Variants in RASAL2 observed in about 807,000 individuals in gnomAD.
RASAL2 encodes the protein RAS protein activator like 2, also known as ras GTPase-activating protein nGAP.
A neutral mutation model predicts 128.9 loss-of-function variants in RASAL2; 58 were observed. That is an observed-to-expected ratio of 0.45 (90% CI 0.36 to 0.56). The LOEUF is 0.56. Ranked by LOEUF, RASAL2 falls within the 20% of genes least tolerant of loss-of-function variation. The pLI, the probability that RASAL2 is intolerant of heterozygous loss-of-function variation, is 0.00. For missense variants in RASAL2, 1,360 were observed against 1,601.6 expected (o/e 0.85, Z 2.57); for synonymous variants, 561 against 580.8 (o/e 0.97, Z 0.49).
intron 1 of RASAL2, among the ~76,000 whole-genome samples, chr1:178,274,396 T>G (rs956403102): frequency 9.2e-5 from 14 of 152,116 alleles, no homozygotes; most frequent in African/African-American, 3.4e-4. Flanking sequence ...GAGAATATAT[T>G]AATATAGGGA....
rs1243125902 is a variant in RASAL2, at chr1:178,457,767, C to T, written c.2475C>T (p.Ala825=). 5.6e-6 allele frequency: 9 copies of T among 1,614,070 alleles called. No homozygotes were observed. Among genetic ancestry groups the T allele is most frequent in the Non-Finnish European group, 7.6e-6 (9 of 1,180,028 alleles). Residue 825 remains alanine, a synonymous_variant, in exon 14 of 18, where the codon GCC becomes GCT. Coordinates refer to ENST00000367649, the MANE Select transcript of RASAL2 (RefSeq NM_170692.4). The part of the protein sequence containing the change: ...RGKTLLLVQQ[A]SSQSMTYSEK... ...AAACATTATTGCTGGTTCAGCAAGC[C>T]TCCTCTCAGAGCATGACTTATTCTG...
At chr1:178,238,255 T>C (rs1664342501) in intron 1 of RASAL2, among the ~76,000 whole-genome samples, 1 of 152,208 alleles carries the variant, frequency 6.6e-6, no homozygotes, top group African/African-American at 2.4e-5. Context: ...AGCAGTACTT[T>C]CTTTTTATCA....
chr1:178,379,375 AAG>A (rs928355382), intron 3 of RASAL2, among the ~76,000 whole-genome samples: 5 of 150,494 alleles, frequency 3.3e-5, no homozygotes, highest in African/African-American at 1.2e-4. Flanking sequence ...CCTGTCTTGA[AAG>A]AGAGAGAGAG....
At chr1:178,385,492 C>T (rs184608013) in intron 3 of RASAL2, among the ~76,000 whole-genome samples, 1 of 151,622 alleles carries the variant, frequency 6.6e-6, no homozygotes, top group East Asian at 1.9e-4. Flanking sequence ...ACTTTCAATA[C>T]GATTTGTACC....
intron 1 of RASAL2, among the ~76,000 whole-genome samples, chr1:178,273,756 A>G (rs989691040): frequency 4.1e-4 from 62 of 152,258 alleles, no homozygotes; most frequent in African/African-American, 1.4e-3. Context: ...ATGTTTTTCT[A>G]TTTGTGTTGG....
At chr1:178,095,491 C>T (rs972810346) in intron 1 of RASAL2, among the ~76,000 whole-genome samples, 2 of 152,138 alleles carry the variant, frequency 1.3e-5, no homozygotes, top group African/African-American at 4.8e-5. Flanking sequence ...ATTGAAACGG[C>T]AAGATGTTTA....
intron 1 of RASAL2, among the ~76,000 whole-genome samples, chr1:178,127,724 C>T (rs1206640299): frequency 1.3e-5 from 2 of 152,018 alleles, no homozygotes; most frequent in Non-Finnish European, 2.9e-5. Flanking sequence ...TATCTCCATA[C>T]TTATTCTAGA....
At chr1:178,200,150 G>A (rs1262236960) in intron 1 of RASAL2, among the ~76,000 whole-genome samples, 1 of 152,114 alleles carries the variant, frequency 6.6e-6, no homozygotes, top group Non-Finnish European at 1.5e-5. Flanking sequence ...TCCCTCTAGA[G>A]AACCCTGACT....
At chr1:178,153,065 T>G (rs1660966324) in intron 1 of RASAL2, among the ~76,000 whole-genome samples, 1 of 152,190 alleles carries the variant, frequency 6.6e-6, no homozygotes, top group African/African-American at 2.4e-5. Flanking sequence ...AGTTGTTATA[T>G]TTCTAGATCT....
intron 1 of RASAL2, among the ~76,000 whole-genome samples, chr1:178,136,983 A>C (rs190253048): frequency 3.9e-5 from 6 of 152,176 alleles, no homozygotes; most frequent in Admixed American, 3.9e-4. Flanking sequence ...AAGATTGGAA[A>C]GGTAAGTAGG....
chr1:178,256,861 A>G (rs182164193), intron 1 of RASAL2, among the ~76,000 whole-genome samples: 108 of 152,122 alleles, frequency 7.1e-4, no homozygotes, highest in African/African-American at 2.6e-3. Flanking sequence ...TTTAGTAGAG[A>G]TGGGGTTTCA....
At chr1:178,438,009 C>T (rs1253626140) in intron 5 of RASAL2, among the ~76,000 whole-genome samples, 5 of 151,680 alleles carry the variant, frequency 3.3e-5, no homozygotes, top group Non-Finnish European at 7.4e-5. Flanking sequence ...ATACTTTGTA[C>T]TGTCAACAAG....
chr1:178,098,486 A>G (rs180820816), intron 1 of RASAL2, among the ~76,000 whole-genome samples: 2 of 152,364 alleles, frequency 1.3e-5, no homozygotes, highest in Non-Finnish European at 2.9e-5. Flanking sequence ...GCTTTCTGGT[A>G]AACAATGAGA....
At chr1:178,398,779 T>C (rs563034202) in intron 4 of RASAL2, among the ~76,000 whole-genome samples, 134 of 152,314 alleles carry the variant, frequency 8.8e-4, no homozygotes, top group African/African-American at 3.1e-3. Context: ...AGTCATAATA[T>C]ACTCTTCCCC....
chr1:178,349,062 G>A (rs1390430809), intron 3 of RASAL2, among the ~76,000 whole-genome samples: 1 of 151,206 alleles, frequency 6.6e-6, no homozygotes, highest in Non-Finnish European at 1.5e-5. Context: ...GCCTCCCAAA[G>A]TGCTGGGATT....
intron 1 of RASAL2, among the ~76,000 whole-genome samples, chr1:178,270,684 A>AATTCTTGTTGGTC (rs1666205032): frequency 6.7e-6 from 1 of 149,934 alleles, no homozygotes; most frequent in Non-Finnish European, 1.5e-5. Flanking sequence ...TGGTTCTGGT[A>AATTCTTGTTGGTC]ATTCTTGTTG....
chr1:178,254,415 T>C (rs1266426747), intron 1 of RASAL2, among the ~76,000 whole-genome samples: 1 of 152,240 alleles, frequency 6.6e-6, no homozygotes, highest in African/African-American at 2.4e-5. Context: ...GGCATTGCAG[T>C]CTATCTGCTG....
chr1:178,178,974 A>G (rs548257405), intron 1 of RASAL2, among the ~76,000 whole-genome samples: 4 of 152,148 alleles, frequency 2.6e-5, no homozygotes, highest in Non-Finnish European at 4.4e-5. Context: ...ACTTTTTGCT[A>G]TATACCACAT....
chr1:178,203,276 T>C (rs780028838), intron 1 of RASAL2, among the ~76,000 whole-genome samples: 9 of 152,216 alleles, frequency 5.9e-5, no homozygotes, highest in Non-Finnish European at 1.2e-4. Flanking sequence ...AGTGGGCTCA[T>C]GCTTATGGAA....
Sources: allele counts gnomAD v4.1 joint callset (sites outside exome capture counted in the v4.1 genomes callset), GRCh38; gene constraint gnomAD v4.1.1; transcripts MANE v1.5; gene names NCBI Gene and HGNC (gene_info 2026-07-23, HGNC 2026-07-21).